The following NALCN variants were observed in gnomAD, a reference collection of about 807,000 sequenced individuals.
NALCN encodes sodium leak channel NALCN.
Under a neutral mutation model 225.3 loss-of-function variants are expected in NALCN, and 111 were observed. The observed-to-expected ratio is 0.49, with a 90% CI of 0.42 to 0.58. The LOEUF is 0.58. NALCN is among the 20% of genes least tolerant of loss of function. NALCN has a pLI of 0.00. For synonymous variants in NALCN, 764 were observed against 769.0 expected (o/e 0.99, Z 0.11); for missense variants, 1,378 against 2,202.4 (o/e 0.63, Z 7.49).
intron 3 of NALCN, among the ~76,000 whole-genome samples, chr13:101,383,128 C>G (rs545687846): frequency 6.6e-6 from 1 of 152,230 alleles, no homozygotes; most frequent in South Asian, 2.1e-4. Flanking sequence ...GTCCATCTTC[C>G]CGAAAAATTC....
At chr13:101,095,809 A>G (rs1484235600) in intron 27 of NALCN, 129 bp from the exon 28 acceptor site, 3 of 701,510 alleles carry the variant, frequency 4.3e-6, no homozygotes, top group Non-Finnish European at 7.1e-6. Flanking sequence ...AGTGATGTGG[A>G]CAGCTACCCA....
rs541564377 is a variant in NALCN at position 101,073,217 on chromosome 13, T to C, written c.4197+367A>G. Among the ~76,000 whole-genome samples the C allele has an allele frequency of 1.3e-4, 20 of 152,246 alleles. No homozygotes were observed. The South Asian group carries it at 3.7e-3, about 28-fold the overall frequency. On this transcript the variant is annotated intron_variant, in intron 37 of 43. Transcript: ENST00000251127. Reference sequence around the variant, plus strand: ...GCTCCTTGAGTGTGCCTTGGAGTTGTTGAAGACCTAGGGCCTAGCATATAG... The same window carrying C: ...GCTCCTTGAGTGTGCCTTGGAGTTGCTGAAGACCTAGGGCCTAGCATATAG...
At chr13:101,132,513 T>C (rs1055241223) in intron 17 of NALCN, among the ~76,000 whole-genome samples, 3 of 152,146 alleles carry the variant, frequency 2.0e-5, no homozygotes, top group Non-Finnish European at 4.4e-5. Context: ...ATGTACATTT[T>C]ATAACTTCTA....
intron 15 of NALCN, among the ~76,000 whole-genome samples, chr13:101,161,996 A>T (rs1038551423): frequency 3.3e-5 from 5 of 152,160 alleles, no homozygotes; most frequent in Non-Finnish European, 7.4e-5. Flanking sequence ...GTCTTCCTGC[A>T]TTCTGGGTGC....
chr13:101,169,414 A>T (rs1204067700), intron 15 of NALCN, among the ~76,000 whole-genome samples: 4 of 152,248 alleles, frequency 2.6e-5, no homozygotes, highest in Non-Finnish European at 5.9e-5. Context: ...TTTGTTACAC[A>T]GGCTTACATG....
chr13:101,400,733 C>T (rs1223683720), intron 1 of NALCN, among the ~76,000 whole-genome samples: 1 of 151,786 alleles, frequency 6.6e-6, no homozygotes, highest in Non-Finnish European at 1.5e-5. Flanking sequence ...GCAGGTATCT[C>T]TGCCTAACTC....
intron 15 of NALCN, among the ~76,000 whole-genome samples, chr13:101,168,518 G>C (rs935955389): frequency 2.6e-5 from 4 of 152,092 alleles, no homozygotes; most frequent in African/African-American, 9.7e-5. Context: ...CCTGTGTCCT[G>C]GTTTTTCTCA....
intron 12 of NALCN, among the ~76,000 whole-genome samples, chr13:101,232,156 A>T (rs2041373164): frequency 1.3e-5 from 2 of 152,072 alleles, no homozygotes; most frequent in Non-Finnish European, 2.9e-5. Context: ...ACATACACTG[A>T]GCCCCTGACA....
intron 7 of NALCN, among the ~76,000 whole-genome samples, chr13:101,310,561 C>A (rs1038075163): frequency 1.3e-5 from 2 of 152,116 alleles, no homozygotes; most frequent in Non-Finnish European, 2.9e-5. Context: ...CTTCCCCTCT[C>A]TTTGTCTGCT....
intron 7 of NALCN, among the ~76,000 whole-genome samples, chr13:101,331,673 C>T (rs1162779881): frequency 6.6e-6 from 1 of 152,092 alleles, no homozygotes; most frequent in Non-Finnish European, 1.5e-5. Context: ...CCCTGCAAAA[C>T]AAAGAACAAA....
intron 13 of NALCN, among the ~76,000 whole-genome samples, chr13:101,209,106 T>C (rs920221838): frequency 6.6e-6 from 1 of 152,170 alleles, no homozygotes; most frequent in African/African-American, 2.4e-5. Flanking sequence ...TAATTTTCCT[T>C]AATGAAGTCG....
intron 14 of NALCN, among the ~76,000 whole-genome samples, chr13:101,185,044 G>A (rs1287927107): frequency 6.6e-6 from 1 of 152,000 alleles, no homozygotes; most frequent in Admixed American, 6.6e-5. Context: ...AGGAATCAAT[G>A]TCCCACACTC....
At chr13:101,234,855 CTACCT>C (rs1361623376) in intron 12 of NALCN, among the ~76,000 whole-genome samples, 2 of 85,494 alleles carry the variant, frequency 2.3e-5, no homozygotes, top group African/African-American at 1.1e-4. Flanking sequence ...TATCTATCAT[CTACCT>C]ATCTATCTAT....
At chr13:101,154,090 G>C (rs543336531) in intron 15 of NALCN, among the ~76,000 whole-genome samples, 1 of 152,160 alleles carries the variant, frequency 6.6e-6, no homozygotes, top group Non-Finnish European at 1.5e-5. Context: ...GTAAACACGC[G>C]TGCTGGATAT....
intron 2 of NALCN, among the ~76,000 whole-genome samples, chr13:101,397,446 CAT>C (rs2047342909): frequency 6.6e-6 from 1 of 150,500 alleles, no homozygotes. Context: ...TATGCATGCA[CAT>C]ATAAATATAT....
intron 15 of NALCN, among the ~76,000 whole-genome samples, chr13:101,167,642 GC>G (rs200393277): frequency 0.24 from 36,579 of 151,602 alleles, 5,186 homozygotes; most frequent in Non-Finnish European, 0.32. Flanking sequence ...TTCGAGACCA[GC>G]CCTGGCCAAC....
At chr13:101,122,789 T>C (rs1472221753) in intron 18 of NALCN, among the ~76,000 whole-genome samples, 5 of 152,202 alleles carry the variant, frequency 3.3e-5, no homozygotes, top group South Asian at 2.1e-4. Flanking sequence ...TCAAATAACA[T>C]GTAACCACAT....
chr13:101,400,544 AGTGTGTGTGTGTGT>A (rs376844190), intron 1 of NALCN, among the ~76,000 whole-genome samples: 18 of 135,248 alleles, frequency 1.3e-4, no homozygotes, highest in East Asian at 1.3e-3. Flanking sequence ...ACATGTTTGC[AGTGTGTGTGTGTGT>A]GTGTGTGTGT....
At chr13:101,319,489 C>A (rs139217853) in intron 7 of NALCN, among the ~76,000 whole-genome samples, 2 of 151,982 alleles carry the variant, frequency 1.3e-5, no homozygotes, top group Non-Finnish European at 2.9e-5. Context: ...TGAATCAAAG[C>A]GATTTTATCA....
Sources: gnomAD v4.1 joint callset for allele counts (sites outside exome capture counted in the v4.1 genomes callset) on GRCh38, gnomAD v4.1.1 for gene constraint, MANE v1.5 for transcripts, NCBI Gene and HGNC (gene_info 2026-07-23, HGNC 2026-07-21) for gene names.